The following TRAF2 variants were observed in gnomAD, a reference collection of about 807,000 sequenced individuals.
TRAF2 encodes the protein TNF receptor-associated factor 2.
TRAF2 carries 6 observed loss-of-function variants against 55.6 expected under a neutral mutation model. The observed-to-expected ratio is 0.11, with a 90% CI of 0.06 to 0.21. TRAF2 has a LOEUF of 0.21. TRAF2 is among the 10% of genes least tolerant of loss of function. The probability of loss-of-function intolerance (pLI) is 1.00; values close to 1 mark genes in which losing one functional copy is unlikely to be tolerated. For synonymous variants in TRAF2, 329 were observed against 276.3 expected, an observed-to-expected ratio of 1.19 and a Z score of -1.89; for missense variants, 561 against 684.5, an observed-to-expected ratio of 0.82 and a Z score of 2.01.
At chr9:136,910,015 T>C (rs766137360) in intron 6 of TRAF2, 21 bp downstream of exon 6, 1 of 1,608,524 alleles carries the variant, frequency 6.2e-7, no homozygotes, top group Admixed American at 1.7e-5. Flanking sequence ...TTCACCTCCT[T>C]GGAGGACCGC....
chr9:136,908,889 AAAG>A (rs1190920761), intron 5 of TRAF2, among the ~76,000 whole-genome samples: 1 of 148,512 alleles, frequency 6.7e-6, no homozygotes, highest in African/African-American at 2.5e-5. Flanking sequence ...AAAAAAAAAA[AAAG>A]CCAGGCACGG....
intron 6 of TRAF2, among the ~76,000 whole-genome samples, chr9:136,912,099 C>T (rs541591243): frequency 8.0e-5 from 12 of 149,320 alleles, no homozygotes; most frequent in Admixed American, 2.7e-4. Flanking sequence ...GTGATCTGCC[C>T]ACCTCGGCTC....
intron 7 of TRAF2, 129 bp from the exon 8 acceptor site, chr9:136,920,105 C>T (rs565165034): frequency 2.5e-6 from 3 of 1,210,590 alleles, no homozygotes; most frequent in African/African-American, 3.1e-5. Context: ...GACCAGGCCA[C>T]CCAGGCATCC....
intron 7 of TRAF2, 148 bp downstream of exon 7, chr9:136,916,763 TC>T: frequency 1.3e-6 from 1 of 768,054 alleles, no homozygotes; most frequent in Non-Finnish European, 2.2e-6. Context: ...GTCCGAGTGT[TC>T]CCAGCTTGGT....
At chr9:136,896,196 A>T (rs2811758) in intron 1 of TRAF2, among the ~76,000 whole-genome samples, 22 of 152,106 alleles carry the variant, frequency 1.4e-4, no homozygotes, top group African/African-American at 4.8e-4. Flanking sequence ...TCCTCTCACT[A>T]GGCTCTCAGG....
In TRAF2 at chr9:136,899,676, A is replaced by G; in HGVS notation, c.267+4A>G. 1 of 1,611,350 alleles carries G rather than the reference A, an allele frequency of 6.2e-7. No individual in the cohort carries two copies. The highest frequency in any genetic ancestry group is 8.5e-7 in the Non-Finnish European group (1 of 1,178,048). ...TTCTATTTTAGAAAGCAGTTCGGTA[A>G]GTAAAATGTCTTGAAGCTAAAAATG... On this transcript the variant is annotated splice_donor_region_variant and intron_variant, in intron 3 of 10. Transcript: ENST00000247668.
intron 1 of TRAF2, among the ~76,000 whole-genome samples, chr9:136,887,492 C>A (rs747758735): frequency 1.2e-4 from 18 of 152,102 alleles, no homozygotes; most frequent in Non-Finnish European, 2.1e-4. Flanking sequence ...CAAGCCTCCA[C>A]TCGGTGTAGG....
At chr9:136,883,825 A>ATT (rs766805439), upstream of TRAF2, among the ~76,000 whole-genome samples, 141 of 119,266 alleles carry the variant, frequency 1.2e-3, no homozygotes, top group African/African-American at 4.2e-3. Context: ...CCTTTTGTGT[A>ATT]TTTTTTTTTT....
chr9:136,908,295 G>C, intron 5 of TRAF2, 64 bp downstream of exon 5: 1 of 1,466,760 alleles, frequency 6.8e-7, no homozygotes, highest in South Asian at 1.3e-5. Flanking sequence ...GGGGAGCTGC[G>C]TGCTGGCCAC....
chr9:136,884,966 G>C (rs769709221), upstream of TRAF2, among the ~76,000 whole-genome samples: 9 of 152,244 alleles, frequency 5.9e-5, no homozygotes, highest in African/African-American at 1.9e-4. Flanking sequence ...GTTAGTTCCT[G>C]GGCTTGAGCA....
At chr9:136,911,880 C>T (rs535615263) in intron 6 of TRAF2, among the ~76,000 whole-genome samples, 2 of 86,140 alleles carry the variant, frequency 2.3e-5, no homozygotes, top group East Asian at 8.2e-4. Context: ...GATGGAGTCT[C>T]GCTCTGTCAC....
chr9:136,907,669 T>C (rs1469910172), intron 4 of TRAF2, among the ~76,000 whole-genome samples: 1 of 151,890 alleles, frequency 6.6e-6, no homozygotes, highest in African/African-American at 2.4e-5. Flanking sequence ...CTGGACCGCG[T>C]TGGGCTTGGT....
At chr9:136,915,782 A>G (rs566359728) in intron 6 of TRAF2, among the ~76,000 whole-genome samples, 1 of 152,066 alleles carries the variant, frequency 6.6e-6, no homozygotes, top group East Asian at 1.9e-4. Context: ...CCCACTGAAT[A>G]GTGTTTTTGG....
At chr9:136,900,633 C>G (rs1051724586) in intron 4 of TRAF2, 113 bp downstream of exon 4, 1 of 843,746 alleles carries the variant, frequency 1.2e-6, no homozygotes, top group East Asian at 2.6e-5. Context: ...GGGGCTGAAG[C>G]CTGTCTGATG....
At chr9:136,923,770 G>C in intron 9 of TRAF2, 82 bp from the exon 10 acceptor site, 1 of 1,481,084 alleles carries the variant, frequency 6.8e-7, no homozygotes. Context: ...TTTTGTCCCT[G>C]GGGGAGGGCA....
Position 136,926,249 on chromosome 9 carries a change from A to G in TRAF2, c.*348A>G, listed in dbSNP as rs1319266164. 9.6e-6 allele frequency: 4 copies of G among 416,414 alleles called. No individual in the cohort carries two copies. Among genetic ancestry groups the G allele is most frequent in the Non-Finnish European group, 1.8e-5 (4 of 216,840 alleles). The allele number at this position is 416,414 out of a possible 1,614,324, so 25.8% of individuals were successfully genotyped here. A position where few individuals can be genotyped will look rare whatever the true frequency, so the allele number is the denominator to read the frequency against. On this transcript the variant is annotated 3_prime_UTR_variant, in exon 11 of 11. Transcript: ENST00000247668. ...GACACTCAGAGTGGGAGCACATCCC[A>G]GCAGTGCCCATGTAGCAGGAGCACA...
At chr9:136,896,389 G>A (rs1001588806) in intron 1 of TRAF2, among the ~76,000 whole-genome samples, 1 of 152,354 alleles carries the variant, frequency 6.6e-6, no homozygotes, top group African/African-American at 2.4e-5. Context: ...CTGGTTCCGG[G>A]TGTGAGGCTG....
intron 5 of TRAF2, among the ~76,000 whole-genome samples, chr9:136,909,624 G>A (rs894677323): frequency 3.3e-5 from 5 of 152,194 alleles, no homozygotes; most frequent in African/African-American, 9.6e-5. Context: ...CGGGAGCAGC[G>A]TTTCCCCATC....
Position 136,926,309 on chromosome 9 carries a change from A to G in TRAF2, c.*408A>G. 2.8e-6 allele frequency: 1 copy of G among 354,176 alleles called. No homozygotes were observed. Among genetic ancestry groups the G allele is most frequent in the Non-Finnish European group, 5.6e-6 (1 of 179,124 alleles). 21.9% of individuals were successfully genotyped at this position (354,176 alleles called of 1,614,324 possible). On this transcript the variant is annotated 3_prime_UTR_variant, in exon 11 of 11. Transcript: ENST00000247668. The stretch of plus-strand genomic sequence containing the variant: ...CTTGTGTCCCTCGGGCATGACAGGC[A>G]GAAACGAGGGCTGCTCCAGGAGAAG...
Sources: allele counts gnomAD v4.1 joint callset (sites outside exome capture counted in the v4.1 genomes callset), GRCh38; gene constraint gnomAD v4.1.1; transcripts MANE v1.5; gene names NCBI Gene and HGNC (gene_info 2026-07-23, HGNC 2026-07-21).